The following SNX25 variants were observed in gnomAD, a reference collection of about 807,000 sequenced individuals.
SNX25 encodes the protein sorting nexin-25.
Under a neutral mutation model 113.7 loss-of-function variants are expected in SNX25, and 62 were observed. That is an observed-to-expected ratio of 0.55 (90% CI 0.44 to 0.67). The LOEUF is 0.67. Among genes scored for constraint, SNX25 ranks in the 30% least tolerant of loss-of-function variants. The pLI, the probability that SNX25 is intolerant of heterozygous loss-of-function variation, is 0.00. For missense variants in SNX25, 1,014 were observed against 1,161.0 expected (o/e 0.87, Z 1.84); for synonymous variants, 421 against 436.2 (o/e 0.97, Z 0.43).
chr4:185,285,649 G>A (rs538348142), intron 5 of SNX25, among the ~76,000 whole-genome samples: 4 of 152,322 alleles, frequency 2.6e-5, no homozygotes, highest in African/African-American at 9.6e-5. Flanking sequence ...TGAGGCAGGT[G>A]TTTATTTTCC....
rs751007707 is a variant in SNX25, at chr4:185,320,857, C to T, written c.1469C>T (p.Ala490Val). The change falls in exon 8 of 19, where the codon GCT becomes GTT. Residue 490 changes from alanine (A) to valine (V), a missense_variant. By Grantham distance (64) the Ala-to-Val change is moderately conservative. Coordinates refer to ENST00000652585, the MANE Select transcript of SNX25 (RefSeq NM_001378034.2). ...GAATCTGTGGAACATTTAAAGAATG[C>T]TAACAAGGTAGTATATGTAGGCTGA... ...FWESVEHLKN[A>V]NKNEIPQLVG... The T allele has an allele frequency of 1.3e-5, 21 of 1,597,184 alleles. No individual in the cohort carries two copies.
chr4:185,341,956 AT>A lies in SNX25; in HGVS notation c.2047-16del. ...TTCACCATGCTTTTTGTAAGTATCG[AT>A]TTTGATGTTTTCCCCAAGGTTACAG... is the stretch of plus-strand genomic sequence containing the variant. On this transcript the variant is annotated intron_variant, in intron 11 of 18. Transcript: ENST00000652585. 1 of 1,567,660 alleles carries A rather than the reference AT, an allele frequency of 6.4e-7. No homozygotes were observed. The highest frequency in any genetic ancestry group is 8.6e-7 in the Non-Finnish European group (1 of 1,159,466).
intron 9 of SNX25, among the ~76,000 whole-genome samples, chr4:185,329,646 C>A (rs1238098956): frequency 1.3e-5 from 2 of 151,752 alleles, no homozygotes; most frequent in Non-Finnish European, 2.9e-5. Flanking sequence ...CAGCAAAGGG[C>A]CTCTTGGATT....
intron 1 of SNX25, among the ~76,000 whole-genome samples, chr4:185,224,608 TATAG>T (rs1740678462): frequency 6.9e-6 from 1 of 145,568 alleles, no homozygotes; most frequent in African/African-American, 2.5e-5. Context: ...TATGTAAATA[TATAG>T]ATATATAAAT....
intron 12 of SNX25, among the ~76,000 whole-genome samples, chr4:185,345,072 G>A (rs1484053160): frequency 6.6e-6 from 1 of 152,186 alleles, no homozygotes; most frequent in Non-Finnish European, 1.5e-5. Context: ...GAAATGAAAT[G>A]TCTTTGGAAG....
Position 185,232,439 on chromosome 4 carries a change from C to T in SNX25, c.430-14855C>T, listed in dbSNP as rs1024373644. 1.4e-4 allele frequency among the ~76,000 whole-genome samples: 21 copies of T among 152,182 alleles called. No individual in the cohort carries two copies. Among genetic ancestry groups the T allele is most frequent in the African/African-American group, 5.1e-4 (21 of 41,424 alleles). Reference sequence around the variant, plus strand: ...TATGGGCCGACCCCTCCTCTGCATCCTGTTTGCTTATCATGACTTTCTAGG... The same window carrying T: ...TATGGGCCGACCCCTCCTCTGCATCTTGTTTGCTTATCATGACTTTCTAGG... On this transcript the variant is annotated intron_variant, in intron 1 of 18. Transcript: ENST00000652585. The surrounding 1 kb of genome is among the most constrained non-coding windows in gnomAD (Gnocchi z 4.4).
chr4:185,340,017 A>G (rs890307886), intron 11 of SNX25, among the ~76,000 whole-genome samples: 4 of 152,084 alleles, frequency 2.6e-5, no homozygotes, highest in African/African-American at 9.7e-5. Context: ...TCATTTGTCT[A>G]TAAAAATAAT....
chr4:185,279,368 C>T (rs1750237439), intron 5 of SNX25, among the ~76,000 whole-genome samples: 1 of 152,100 alleles, frequency 6.6e-6, no homozygotes, highest in Non-Finnish European at 1.5e-5. Context: ...TAATTTTCTA[C>T]ATGTGCTATG....
chr4:185,304,980 G>A (rs937422746), intron 6 of SNX25, among the ~76,000 whole-genome samples: 1 of 152,170 alleles, frequency 6.6e-6, no homozygotes, highest in Non-Finnish European at 1.5e-5. Context: ...AGGAGTGAGG[G>A]AAGGGGAAGG....
intron 1 of SNX25, among the ~76,000 whole-genome samples, chr4:185,246,602 A>G (rs1744903138): frequency 6.6e-6 from 1 of 152,102 alleles, no homozygotes; most frequent in Admixed American, 6.5e-5. Context: ...GTCTCTGTAT[A>G]TTTAATGATA....
chr4:185,227,873 G>A (rs1377589461), intron 1 of SNX25, among the ~76,000 whole-genome samples: 4 of 152,148 alleles, frequency 2.6e-5, no homozygotes, highest in Non-Finnish European at 5.9e-5. Flanking sequence ...TGAGACTGCC[G>A]AGAGCAGTAG....
chr4:185,217,802 A>T (rs1739112376), intron 1 of SNX25, among the ~76,000 whole-genome samples: 1 of 152,204 alleles, frequency 6.6e-6, no homozygotes. Flanking sequence ...AGCGTTCAGG[A>T]CACAGAAAAT....
At chr4:185,255,822 CACTT>C (rs1424595145) in intron 2 of SNX25, among the ~76,000 whole-genome samples, 1 of 152,198 alleles carries the variant, frequency 6.6e-6, no homozygotes, top group Non-Finnish European at 1.5e-5. Context: ...GGACGAAACT[CACTT>C]ACTATGTAGG....
chr4:185,374,146 C>T (rs2095425338), downstream of SNX25: 1 of 1,613,784 alleles, frequency 6.2e-7, no homozygotes, highest in South Asian at 1.1e-5. Flanking sequence ...TTTTCTAACT[C>T]CTTGGGCTCC....
chr4:185,335,204 C>G (rs2095220997), intron 10 of SNX25, among the ~76,000 whole-genome samples: 1 of 151,772 alleles, frequency 6.6e-6, no homozygotes, highest in Non-Finnish European at 1.5e-5. Flanking sequence ...CCTATAATCC[C>G]AGCTACTCGG....
chr4:185,235,461 T>C (rs1484288823), intron 1 of SNX25, among the ~76,000 whole-genome samples: 1 of 152,216 alleles, frequency 6.6e-6, no homozygotes, highest in Non-Finnish European at 1.5e-5. Flanking sequence ...GGTTTAGGGT[T>C]GGCCAAAGAG....
At chr4:185,350,504 C>G (rs2095309797) in intron 13 of SNX25, among the ~76,000 whole-genome samples, 1 of 152,196 alleles carries the variant, frequency 6.6e-6, no homozygotes, top group Non-Finnish European at 1.5e-5. Flanking sequence ...CTTCTTTACT[C>G]TCTCCTAAGG....
chr4:185,339,219 T>C (rs1296682543), intron 10 of SNX25, among the ~76,000 whole-genome samples, 160 bp from the exon 11 acceptor site: 1 of 152,226 alleles, frequency 6.6e-6, no homozygotes, highest in African/African-American at 2.4e-5. Flanking sequence ...TTAATGCTAT[T>C]GTAAGTGGAA....
intron 16 of SNX25, among the ~76,000 whole-genome samples, chr4:185,360,796 G>C (rs574227465): frequency 6.6e-6 from 1 of 152,158 alleles, no homozygotes; most frequent in Admixed American, 6.5e-5. Flanking sequence ...GCACACGCCT[G>C]TAGTCCCAGA....
Sources: gnomAD v4.1 joint callset for allele counts (sites outside exome capture counted in the v4.1 genomes callset) on GRCh38, gnomAD v4.1.1 for gene constraint, Gnocchi (gnomAD v3.1) non-coding constraint, MANE v1.5 for transcripts, NCBI Gene and HGNC (gene_info 2026-07-23, HGNC 2026-07-21) for gene names.